Variants in DENND4C observed in about 807,000 individuals in gnomAD.
DENND4C encodes the protein DENN domain-containing protein 4C.
A neutral mutation model predicts 203.0 loss-of-function variants in DENND4C; 108 were observed. The ratio of observed to expected loss-of-function variants is 0.53; its 90% CI spans 0.46 to 0.62. The LOEUF is 0.62. Among genes scored for constraint, DENND4C ranks in the 20% least tolerant of loss-of-function variants. The pLI, the probability that DENND4C is intolerant of heterozygous loss-of-function variation, is 0.00. For missense variants in DENND4C, 2,481 were observed against 2,301.2 expected, an observed-to-expected ratio of 1.08 and a Z score of -1.60; for synonymous variants, 871 against 792.4, an observed-to-expected ratio of 1.10 and a Z score of -1.67.
At chr9:19,298,016 A>G in intron 6 of DENND4C, 40 bp from the exon 7 acceptor site, 1 of 1,481,502 alleles carries the variant, frequency 6.7e-7, no homozygotes, top group Admixed American at 1.8e-5. Context: ...ATGCATTTAG[A>G]AAAGTAATTA....
intron 10 of DENND4C, 114 bp downstream of exon 10, chr9:19,305,641 T>C (rs1219269449): frequency 4.7e-6 from 5 of 1,072,212 alleles, no homozygotes; most frequent in Non-Finnish European, 6.6e-6. Context: ...AATCTTCGTC[T>C]TAAATACAGC....
intron 24 of DENND4C, 108 bp from the exon 25 acceptor site, chr9:19,351,965 A>T: frequency 1.2e-6 from 1 of 815,304 alleles, no homozygotes; most frequent in Non-Finnish European, 2.0e-6. Flanking sequence ...GCCACTTGAA[A>T]AACAGTTGCA....
At position 19,373,806 on chromosome 9, in the gene DENND4C, A is replaced by G. The variant is rs1333384095; in HGVS notation, c.*1633A>G. On this transcript the variant is annotated 3_prime_UTR_variant, in exon 33 of 33. Coordinates refer to ENST00000434457, the MANE Select transcript of DENND4C (RefSeq NM_001330640.2). ...CAGTAAAATTACTTCCATATGGTAC[A>G]GTAACAACCTAACTCCCTTCTACCT... 6.6e-6 allele frequency among the ~76,000 whole-genome samples: 1 copy of G among 152,246 alleles called. No homozygotes were observed. Among genetic ancestry groups the G allele is most frequent in the Non-Finnish European group, 1.5e-5 (1 of 68,038 alleles).
intron 4 of DENND4C, among the ~76,000 whole-genome samples, chr9:19,289,286 T>C (rs962146707): frequency 4.6e-5 from 7 of 152,138 alleles, no homozygotes; most frequent in Non-Finnish European, 1.0e-4. Flanking sequence ...AAACTGAAAA[T>C]ACAGGTATGC....
chr9:19,256,211 G>T (rs1827881721), intron 1 of DENND4C, among the ~76,000 whole-genome samples: 2 of 151,116 alleles, frequency 1.3e-5, no homozygotes, highest in South Asian at 4.2e-4. Context: ...GTAACAGAAA[G>T]ATTCTTGGAA....
chr9:19,245,223 C>T (rs1824854699), intron 1 of DENND4C, among the ~76,000 whole-genome samples: 1 of 151,960 alleles, frequency 6.6e-6, no homozygotes, highest in African/African-American at 2.4e-5. Flanking sequence ...AATCCCAGCA[C>T]TTTGGGAGGC....
chr9:19,319,489 C>A (rs1021694039), intron 12 of DENND4C, among the ~76,000 whole-genome samples: 9 of 138,818 alleles, frequency 6.5e-5, no homozygotes, highest in African/African-American at 2.4e-4. Flanking sequence ...CAGTTTCACT[C>A]ATGACAGCAC....
chr9:19,336,486 T>C, intron 19 of DENND4C, 72 bp downstream of exon 19: 1 of 1,514,906 alleles, frequency 6.6e-7, no homozygotes, highest in Non-Finnish European at 8.8e-7. Context: ...TTTTTAGCTA[T>C]GTGAAGTAGA....
chr9:19,287,525 A>G (rs996941535), intron 3 of DENND4C, among the ~76,000 whole-genome samples: 6 of 151,598 alleles, frequency 4.0e-5, no homozygotes, highest in African/African-American at 1.2e-4. Context: ...GGACTACAGG[A>G]TAGTAGAGAC....
chr9:19,245,985 C>T (rs1289686296), intron 1 of DENND4C, among the ~76,000 whole-genome samples: 2 of 151,750 alleles, frequency 1.3e-5, no homozygotes, highest in Non-Finnish European at 2.9e-5. Context: ...TCAGTTCTCT[C>T]ACTGGACATT....
chr9:19,361,109 C>T (rs1826391535), intron 29 of DENND4C, among the ~76,000 whole-genome samples: 1 of 152,158 alleles, frequency 6.6e-6, no homozygotes, highest in South Asian at 2.1e-4. Context: ...GGCAATCCAC[C>T]TGCCTCGGCC....
At chr9:19,339,884 G>A (rs1201377873) in intron 20 of DENND4C, among the ~76,000 whole-genome samples, 2 of 152,030 alleles carry the variant, frequency 1.3e-5, no homozygotes, top group African/African-American at 4.8e-5. Flanking sequence ...TATCAGTATG[G>A]ACTGATGTAC....
intron 1 of DENND4C, among the ~76,000 whole-genome samples, chr9:19,268,318 T>C (rs943074213): frequency 5.9e-5 from 9 of 152,166 alleles, no homozygotes; most frequent in African/African-American, 1.4e-4. Flanking sequence ...CAGGCTGGTA[T>C]TGAACGCCTG....
rs375103421 is a variant in DENND4C at position 19,253,230 on chromosome 9, C to G, written c.-18+22397C>G. ...TCTTTAAAAAGGTAGAAAGGAAGCT[C>G]TGATTTTTCCAAGTTCATTTGGCAA... On this transcript the variant is annotated intron_variant, in intron 1 of 32. Transcript: ENST00000434457. Among the ~76,000 whole-genome samples, 7 of 152,310 alleles carry G rather than the reference C, an allele frequency of 4.6e-5. No individual in the cohort carries two copies. The East Asian group carries it at 5.8e-4, about 13-fold the overall frequency.
intron 1 of DENND4C, among the ~76,000 whole-genome samples, chr9:19,235,866 G>A (rs1821844048): frequency 6.6e-6 from 1 of 151,824 alleles, no homozygotes; most frequent in Non-Finnish European, 1.5e-5. Context: ...CCAAAGTGCT[G>A]GGATTACAGG....
At chr9:19,275,102 C>T (rs992953157) in intron 1 of DENND4C, among the ~76,000 whole-genome samples, 8 of 151,970 alleles carry the variant, frequency 5.3e-5, no homozygotes, top group Admixed American at 2.6e-4. Context: ...CTCAGCCTCC[C>T]GAGTAGCTGG....
At chr9:19,339,678 G>C (rs1000528531) in intron 20 of DENND4C, among the ~76,000 whole-genome samples, 1 of 152,106 alleles carries the variant, frequency 6.6e-6, no homozygotes, top group Non-Finnish European at 1.5e-5. Context: ...AACACTCTGA[G>C]ACAATGTGCT....
chr9:19,282,579 T>TAAC lies in DENND4C; in HGVS notation c.306-4190_306-4189insAAC, dbSNP rs1564116793. On this transcript the variant is annotated intron_variant, in intron 2 of 32. Coordinates refer to ENST00000434457, the MANE Select transcript of DENND4C (RefSeq NM_001330640.2). ...AAAATTAAAAAAAAAAAAAAAATAA[T>TAAC]GGGGTCTTGCCTTGTTGCCCAGGCT... is the stretch of plus-strand genomic sequence containing the variant. 1.2e-4 allele frequency among the ~76,000 whole-genome samples: 18 copies of TAAC among 149,060 alleles called. 1 individual carries two copies. The highest frequency in any genetic ancestry group is 3.0e-4 in the African/African-American group (12 of 40,678).
At chr9:19,250,656 A>G (rs535878933) in intron 1 of DENND4C, among the ~76,000 whole-genome samples, 106 of 150,790 alleles carry the variant, frequency 7.0e-4, no homozygotes, top group African/African-American at 1.7e-3. Context: ...CCTGGATTCA[A>G]TGGGGGCACA....
Sources: gnomAD v4.1 joint callset for allele counts (sites outside exome capture counted in the v4.1 genomes callset) on GRCh38, gnomAD v4.1.1 for gene constraint, MANE v1.5 for transcripts, NCBI Gene and HGNC (gene_info 2026-07-23, HGNC 2026-07-21) for gene names.